BRINP3: variants seen among roughly 807,000 people sequenced by gnomAD.
BRINP3 encodes BMP/retinoic acid-inducible neural-specific protein 3.
Under a neutral mutation model 71.0 loss-of-function variants are expected in BRINP3, and 19 were observed. That is an observed-to-expected ratio of 0.27 (90% CI 0.19 to 0.39). The LOEUF (loss-of-function observed/expected upper bound fraction) is 0.39, where lower values mean the gene tolerates loss of function less well. Among genes scored for constraint, BRINP3 ranks in the 10% least tolerant of loss-of-function variants. The probability of loss-of-function intolerance (pLI) is 1.00; values close to 1 mark genes in which losing one functional copy is unlikely to be tolerated. For synonymous variants in BRINP3, 380 were observed against 337.7 expected (o/e 1.13, Z -1.37); for missense variants, 959 against 940.8 (o/e 1.02, Z -0.25).
rs79029019 is a variant in BRINP3 at position 190,345,459 on chromosome 1, C to A, written c.237-63709G>T. ...GCTTCCTCTCTTCCTTCTTTATATT[C>A]TTTTAATCAATTTTTGCTTGGAAAT... On this transcript the variant is annotated intron_variant, in intron 2 of 7. Coordinates refer to ENST00000367462, the MANE Select transcript of BRINP3 (RefSeq NM_199051.3). 8.5e-3 allele frequency among the ~76,000 whole-genome samples: 1,289 copies of A among 151,574 alleles called. 19 individuals are homozygous for A. Among genetic ancestry groups the A allele is most frequent in the African/African-American group, 0.03 (1,234 of 41,440 alleles).
At chr1:190,252,306 T>G (rs186728339) in intron 4 of BRINP3, among the ~76,000 whole-genome samples, 1 of 152,054 alleles carries the variant, frequency 6.6e-6, no homozygotes, top group Non-Finnish European at 1.5e-5. Flanking sequence ...GTGATCTTGA[T>G]GCACTGGAGA....
intron 2 of BRINP3, among the ~76,000 whole-genome samples, chr1:190,414,629 T>C (rs1672898075): frequency 6.6e-6 from 1 of 152,170 alleles, no homozygotes; most frequent in South Asian, 2.1e-4. Context: ...GGGAATATAC[T>C]CCCAGTTGAG....
intron 2 of BRINP3, among the ~76,000 whole-genome samples, chr1:190,447,950 T>C (rs1675338370): frequency 6.6e-6 from 1 of 151,718 alleles, no homozygotes; most frequent in African/African-American, 2.4e-5. Flanking sequence ...ACACAAGAGA[T>C]ACCTCAAACG....
intron 2 of BRINP3, among the ~76,000 whole-genome samples, chr1:190,301,781 T>C (rs1304451292): frequency 6.6e-6 from 1 of 152,004 alleles, no homozygotes; most frequent in Non-Finnish European, 1.5e-5. Flanking sequence ...AAAAGTGTTA[T>C]TTGTTGAGAG....
intron 2 of BRINP3, among the ~76,000 whole-genome samples, chr1:190,380,197 G>C (rs1051572069): frequency 2.0e-5 from 3 of 151,940 alleles, no homozygotes; most frequent in Non-Finnish European, 2.9e-5. Context: ...ATATGAGGAC[G>C]GAGCAAAATG....
At chr1:190,380,975 C>T (rs1370261781) in intron 2 of BRINP3, among the ~76,000 whole-genome samples, 1 of 151,982 alleles carries the variant, frequency 6.6e-6, no homozygotes, top group Admixed American at 6.6e-5. Flanking sequence ...TCCAGTTATG[C>T]ATATTTTTTA....
intron 2 of BRINP3, among the ~76,000 whole-genome samples, chr1:190,297,487 C>T (rs192934601): frequency 3.7e-4 from 57 of 152,106 alleles, no homozygotes; most frequent in Admixed American, 3.2e-3. Context: ...CTATTTTTCA[C>T]CATTAAGTGT....
intron 2 of BRINP3, among the ~76,000 whole-genome samples, chr1:190,452,391 G>A (rs1337102632): frequency 6.6e-6 from 1 of 152,150 alleles, no homozygotes; most frequent in African/African-American, 2.4e-5. Context: ...CAAAGGTAAA[G>A]ACATAGTAAG....
At chr1:190,143,713 G>A (rs1038114898) in intron 7 of BRINP3, among the ~76,000 whole-genome samples, 1 of 152,098 alleles carries the variant, frequency 6.6e-6, no homozygotes, top group African/African-American at 2.4e-5. Flanking sequence ...CTCTTACACT[G>A]CTATGTTCTG....
intron 2 of BRINP3, among the ~76,000 whole-genome samples, chr1:190,446,043 C>T (rs577233610): frequency 5.9e-5 from 9 of 151,748 alleles, no homozygotes; most frequent in African/African-American, 1.7e-4. Flanking sequence ...TTTATAGTAA[C>T]GATTATACAC....
At chr1:190,229,338 C>T (rs574689790) in intron 5 of BRINP3, among the ~76,000 whole-genome samples, 164 of 152,096 alleles carry the variant, frequency 1.1e-3, no homozygotes, top group African/African-American at 3.0e-3. Context: ...CACAAACTCT[C>T]TCTTGTCTGC....
At chr1:190,149,846 A>G (rs1232996428) in intron 7 of BRINP3, among the ~76,000 whole-genome samples, 1 of 152,160 alleles carries the variant, frequency 6.6e-6, no homozygotes, top group Non-Finnish European at 1.5e-5. Flanking sequence ...TGCTGAGCTT[A>G]ATACAACCAC....
intron 2 of BRINP3, among the ~76,000 whole-genome samples, chr1:190,409,232 T>A (rs1297351021): frequency 6.6e-6 from 1 of 152,070 alleles, no homozygotes; most frequent in African/African-American, 2.4e-5. Flanking sequence ...TAAGACCCTG[T>A]CTCTAAAAAT....
intron 4 of BRINP3, among the ~76,000 whole-genome samples, chr1:190,257,570 A>G (rs1000481533): frequency 6.6e-5 from 10 of 152,078 alleles, no homozygotes; most frequent in Admixed American, 5.9e-4. Flanking sequence ...TGGTTTTCAT[A>G]ATTTACAGCT....
intron 6 of BRINP3, among the ~76,000 whole-genome samples, chr1:190,210,857 A>C (rs865846510): frequency 3.8e-4 from 58 of 152,198 alleles, no homozygotes; most frequent in African/African-American, 1.3e-3. Context: ...GCTGCCCTGC[A>C]TGGCTAGAAT....
At chr1:190,188,189 A>C (rs1220578364) in intron 6 of BRINP3, among the ~76,000 whole-genome samples, 4 of 152,086 alleles carry the variant, frequency 2.6e-5, no homozygotes, top group Non-Finnish European at 4.4e-5. Flanking sequence ...ATTGAATAGA[A>C]ATGCTACTGA....
Position 190,203,774 on chromosome 1 carries a change from T to A in BRINP3, c.961+22308A>T, listed in dbSNP as rs867783130. Among the ~76,000 whole-genome samples the A allele has an allele frequency of 1.4e-3, 93 of 67,074 alleles. 1 individual carries two copies. The highest frequency in any genetic ancestry group is 4.0e-3 in the South Asian group (7 of 1,768). The allele number at this position is 67,074 out of a possible 152,430, so 44.0% of individuals were successfully genotyped here. A position where few individuals can be genotyped will look rare whatever the true frequency, so the allele number is the denominator to read the frequency against. Reference sequence around the variant, plus strand: ...AAATATATATATATATATATATATATATATATATATATATATATATATATA... The same window carrying A: ...AAATATATATATATATATATATATAAATATATATATATATATATATATATA... On this transcript the variant is annotated intron_variant, in intron 6 of 7. Transcript: ENST00000367462.
chr1:190,121,794 T>C (rs1653684868), intron 7 of BRINP3, among the ~76,000 whole-genome samples: 1 of 152,104 alleles, frequency 6.6e-6, no homozygotes. Flanking sequence ...GCCTATTACA[T>C]TAGAACCTCA....
chr1:190,294,777 G>C (rs568915428), intron 2 of BRINP3, among the ~76,000 whole-genome samples: 3 of 151,850 alleles, frequency 2.0e-5, no homozygotes, highest in African/African-American at 7.3e-5. Context: ...TAGTTTAAAG[G>C]GGACTGCCTG....
Sources: gnomAD v4.1 joint callset for allele counts (sites outside exome capture counted in the v4.1 genomes callset) on GRCh38, gnomAD v4.1.1 for gene constraint, MANE v1.5 for transcripts, NCBI Gene and HGNC (gene_info 2026-07-23, HGNC 2026-07-21) for gene names.